ZFR: variants seen among roughly 807,000 people sequenced by gnomAD.
ZFR encodes zinc finger RNA binding protein, also known as zinc finger RNA-binding protein.
ZFR carries 19 observed loss-of-function variants against 130.7 expected under a neutral mutation model. That is an observed-to-expected ratio of 0.15 (90% CI 0.10 to 0.21). The LOEUF (loss-of-function observed/expected upper bound fraction) is 0.21. Among genes scored for constraint, ZFR ranks in the 10% least tolerant of loss-of-function variants. The pLI, the probability that ZFR is intolerant of heterozygous loss-of-function variation, is 1.00. For missense variants in ZFR, 872 were observed against 1,321.5 expected (o/e 0.66, Z 5.27); for synonymous variants, 466 against 456.9 (o/e 1.02, Z -0.25).
chr5:32,444,444 G>A, intron 1 of ZFR, 116 bp from the exon 2 acceptor site: 2 of 1,312,650 alleles, frequency 1.5e-6, no homozygotes, highest in Non-Finnish European at 2.0e-6. Context: ...AGCCCTGGCG[G>A]GGCCCAGGCC....
intron 14 of ZFR, 120 bp downstream of exon 14, chr5:32,387,429 T>C (rs1753066067): frequency 3.5e-6 from 4 of 1,156,666 alleles, no homozygotes; most frequent in Non-Finnish European, 3.7e-6. Context: ...AAAAACTCAA[T>C]ACAGAAAGTC....
intron 11 of ZFR, chr5:32,394,310 A>C (rs1441132987): frequency 5.9e-6 from 1 of 168,140 alleles, no homozygotes; most frequent in Non-Finnish European, 1.5e-5. Flanking sequence ...ACATGTTACA[A>C]TCTGGATGAA....
intron 17 of ZFR, chr5:32,364,967 AG>A (rs1264043644): frequency 6.6e-6 from 1 of 152,206 alleles, no homozygotes. Context: ...GATCTCCAAA[AG>A]AAACCACATA....
intron 17 of ZFR, among the ~76,000 whole-genome samples, chr5:32,374,766 G>C (rs1752759464): frequency 6.6e-6 from 1 of 151,988 alleles, no homozygotes; most frequent in Non-Finnish European, 1.5e-5. Context: ...TGAATGGGTT[G>C]ATTTTTTTAA....
chr5:32,407,432 A>G (rs1022244622), intron 5 of ZFR, among the ~76,000 whole-genome samples: 2 of 150,770 alleles, frequency 1.3e-5, no homozygotes, highest in Non-Finnish European at 2.9e-5. Flanking sequence ...TAGGAAAAAC[A>G]AAAACTCATG....
intron 2 of ZFR, among the ~76,000 whole-genome samples, chr5:32,437,314 G>A (rs1754361528): frequency 6.6e-6 from 1 of 152,044 alleles, no homozygotes; most frequent in South Asian, 2.1e-4. Context: ...CAGGGACTAT[G>A]CATATTGTAG....
chr5:32,411,493 A>G (rs552382263), intron 5 of ZFR, among the ~76,000 whole-genome samples: 3 of 152,004 alleles, frequency 2.0e-5, no homozygotes, highest in Non-Finnish European at 4.4e-5. Flanking sequence ...GTTTCAGACC[A>G]GCTTGGCCAC....
chr5:32,414,846 T>C lies in ZFR; in HGVS notation c.784+123A>G, dbSNP rs1753783946. On this transcript the variant is annotated intron_variant, in intron 5 of 19. Coordinates refer to ENST00000265069, the MANE Select transcript of ZFR (RefSeq NM_016107.5). ...CAGTCACATTATGTACCTATATTTA[T>C]GTCTATCAATTAATTTAATTCCTAT... 4.0e-5 allele frequency: 34 copies of C among 854,274 alleles called. No homozygotes were observed. The South Asian group carries it at 5.9e-4, about 15-fold the overall frequency. 52.9% of individuals were successfully genotyped at this position (854,274 alleles called of 1,614,324 possible).
intron 5 of ZFR, among the ~76,000 whole-genome samples, chr5:32,410,742 A>T (rs1463886617): frequency 6.6e-6 from 1 of 152,248 alleles, no homozygotes; most frequent in Non-Finnish European, 1.5e-5. Context: ...TTTGGTAGGT[A>T]GCAATACTCT....
chr5:32,439,474 A>G (rs1434332502), intron 2 of ZFR, among the ~76,000 whole-genome samples: 1 of 152,186 alleles, frequency 6.6e-6, no homozygotes, highest in African/African-American at 2.4e-5. Flanking sequence ...CTGTTACCCT[A>G]CCCGAGTTAT....
chr5:32,434,046 G>T (rs1194316168), intron 2 of ZFR, among the ~76,000 whole-genome samples: 3 of 152,220 alleles, frequency 2.0e-5, no homozygotes, highest in African/African-American at 7.2e-5. Context: ...CTCCAGCGTG[G>T]GCTAGAGTTC....
intron 5 of ZFR, among the ~76,000 whole-genome samples, chr5:32,413,103 C>T (rs867879027): frequency 2.1e-4 from 32 of 152,064 alleles, no homozygotes; most frequent in Middle Eastern, 6.8e-3. Flanking sequence ...GCAGGAGAAT[C>T]GCTTAAACCC....
At chr5:32,409,940 T>A (rs1041958819) in intron 5 of ZFR, among the ~76,000 whole-genome samples, 2 of 151,716 alleles carry the variant, frequency 1.3e-5, no homozygotes, top group Non-Finnish European at 2.9e-5. Flanking sequence ...GCCACTACAC[T>A]CCAGCCTGGG....
chr5:32,415,485 AGTGTGTGT>A (rs3065262), intron 4 of ZFR, among the ~76,000 whole-genome samples: 46 of 136,318 alleles, frequency 3.4e-4, no homozygotes, highest in African/African-American at 9.6e-4. Flanking sequence ...TCTGAAAAGG[AGTGTGTGT>A]GTGTGTGTGT....
At chr5:32,430,079 C>CAAA (rs56163955) in intron 2 of ZFR, among the ~76,000 whole-genome samples, 2,788 of 70,172 alleles carry the variant, frequency 0.04, 147 homozygotes, top group African/African-American at 0.093. Flanking sequence ...GACCCTATTT[C>CAAA]AAAAAAAAAA....
chr5:32,437,183 T>C (rs1486735598), intron 2 of ZFR, among the ~76,000 whole-genome samples: 1 of 152,198 alleles, frequency 6.6e-6, no homozygotes, highest in South Asian at 2.1e-4. Flanking sequence ...TCAAACTCCA[T>C]AGTCAAAATC....
At chr5:32,443,653 G>A (rs1010313375) in intron 2 of ZFR, among the ~76,000 whole-genome samples, 8 of 152,290 alleles carry the variant, frequency 5.3e-5, no homozygotes, top group South Asian at 2.1e-4. Context: ...GGACTCGCTA[G>A]CGATGGAGCG....
chr5:32,437,047 T>G lies in ZFR; in HGVS notation c.137+7182A>C, dbSNP rs185164017. Among the ~76,000 whole-genome samples the G allele has an allele frequency of 9.7e-4, 147 of 152,328 alleles. 1 individual carries two copies. The highest frequency in any genetic ancestry group is 3.4e-3 in the African/African-American group (143 of 41,574). Reference sequence around the variant, plus strand: ...GGAGCCAGATTCAGCTTAGGTAGTCTGACTTCAGAGCCAACCCAGTCTCTA... The same window carrying G: ...GGAGCCAGATTCAGCTTAGGTAGTCGGACTTCAGAGCCAACCCAGTCTCTA... On this transcript the variant is annotated intron_variant, in intron 2 of 19. Transcript: ENST00000265069.
intron 2 of ZFR, among the ~76,000 whole-genome samples, chr5:32,426,700 G>A (rs778430137): frequency 1.4e-4 from 21 of 152,120 alleles, no homozygotes; most frequent in African/African-American, 2.2e-4. Flanking sequence ...CCAGGAGTTC[G>A]AGACCAGCCT....
Sources: gnomAD v4.1 joint callset for allele counts (sites outside exome capture counted in the v4.1 genomes callset) on GRCh38, gnomAD v4.1.1 for gene constraint, MANE v1.5 for transcripts, NCBI Gene and HGNC (gene_info 2026-07-23, HGNC 2026-07-21) for gene names.